ZMAT4: variants seen among roughly 807,000 people sequenced by gnomAD.
ZMAT4 encodes the protein zinc finger matrin-type 4, also known as zinc finger matrin-type protein 4.
A neutral mutation model predicts 28.7 loss-of-function variants in ZMAT4; 17 were observed. That is an observed-to-expected ratio of 0.59 (90% CI 0.41 to 0.89). ZMAT4 has a LOEUF of 0.89. Among genes scored for constraint, ZMAT4 ranks in the 40% least tolerant of loss-of-function variants. The pLI is 0.00. For synonymous variants in ZMAT4, 117 were observed against 109.2 expected (o/e 1.07, Z -0.44); for missense variants, 240 against 283.8 (o/e 0.85, Z 1.11).
At chr8:40,690,916 C>T in intron 4 of ZMAT4, 1 of 985,172 alleles carries the variant, frequency 1.0e-6, no homozygotes, top group Non-Finnish European at 1.2e-6. Context: ...CATTGCTTAT[C>T]CGTTGCTTTT....
chr8:40,789,956 C>T (rs755493852), intron 2 of ZMAT4, among the ~76,000 whole-genome samples: 2 of 152,136 alleles, frequency 1.3e-5, no homozygotes, highest in Non-Finnish European at 2.9e-5. Flanking sequence ...GCCAAATATC[C>T]ACCCCAAACC....
intron 4 of ZMAT4, among the ~76,000 whole-genome samples, chr8:40,693,126 G>A (rs998929876): frequency 1.3e-5 from 2 of 151,996 alleles, no homozygotes; most frequent in Non-Finnish European, 1.5e-5. Context: ...CTTTTTTCTT[G>A]TTTTCCCTAA....
chr8:40,775,904 G>A (rs1428103551), intron 2 of ZMAT4, among the ~76,000 whole-genome samples: 1 of 152,158 alleles, frequency 6.6e-6, no homozygotes, highest in African/African-American at 2.4e-5. Flanking sequence ...AGAGACATCA[G>A]AGATTGTGCT....
At chr8:40,889,812 T>C (rs1490989553) in intron 1 of ZMAT4, among the ~76,000 whole-genome samples, 2 of 152,222 alleles carry the variant, frequency 1.3e-5, no homozygotes, top group Non-Finnish European at 2.9e-5. Context: ...AAAGGAATAT[T>C]CTTAATTAGA....
intron 4 of ZMAT4, among the ~76,000 whole-genome samples, chr8:40,695,768 A>ATTTTTTTT (rs756360990): frequency 5.1e-5 from 3 of 58,468 alleles, no homozygotes; most frequent in African/African-American, 1.4e-4. Flanking sequence ...CCATGTGGCA[A>ATTTTTTTT]TTTTTTTTTT....
chr8:40,756,428 A>ATG (rs1812686457), intron 3 of ZMAT4, among the ~76,000 whole-genome samples: 1 of 50,554 alleles, frequency 2.0e-5, no homozygotes, highest in Non-Finnish European at 4.8e-5. Context: ...ATGTTCTTTT[A>ATG]TATATATATA....
intron 5 of ZMAT4, among the ~76,000 whole-genome samples, chr8:40,643,037 G>A (rs1807116976): frequency 6.6e-6 from 1 of 152,210 alleles, no homozygotes; most frequent in African/African-American, 2.4e-5. Flanking sequence ...GGAATTTGAA[G>A]ATACCATGGA....
In ZMAT4 at chr8:40,639,417, C is replaced by T. The variant is rs148266470; in HGVS notation, c.577+35287G>A. ...AACATCGGGATCTCCAGCTACCTAG[C>T]GCTCCAGCCTAGTGGAGAGTCTTGA... On this transcript the variant is annotated intron_variant, in intron 5 of 6. Transcript: ENST00000297737. Among the ~76,000 whole-genome samples, 58 of 152,134 alleles carry T rather than the reference C, an allele frequency of 3.8e-4. No homozygotes were observed. The East Asian group carries it at 9.3e-3, about 24-fold the overall frequency.
At chr8:40,600,167 T>G (rs1805251187) in intron 5 of ZMAT4, among the ~76,000 whole-genome samples, 1 of 152,240 alleles carries the variant, frequency 6.6e-6, no homozygotes, top group South Asian at 2.1e-4. Context: ...GTATTGGGGC[T>G]ATTTAGTGGA....
chr8:40,675,082 A>C, intron 4 of ZMAT4, 151 bp from the exon 5 acceptor site: 2 of 533,382 alleles, frequency 3.7e-6, no homozygotes, highest in East Asian at 5.8e-5. Flanking sequence ...TAGCCCTGCC[A>C]GCTTTCATTT....
At position 40,531,497 on chromosome 8, in the gene ZMAT4, GT is replaced by G. The variant is rs1802692800; in HGVS notation, c.*725del. 6.6e-6 allele frequency: 1 copy of G among 152,546 alleles called. No individual in the cohort carries two copies. Among genetic ancestry groups the G allele is most frequent in the Non-Finnish European group, 1.5e-5 (1 of 68,020 alleles). The allele number at this position is 152,546 out of a possible 1,614,324, so 9.4% of individuals were successfully genotyped here. A position where few individuals can be genotyped will look rare whatever the true frequency, so the allele number is the denominator to read the frequency against. On this transcript the variant is annotated 3_prime_UTR_variant, in exon 7 of 7. Coordinates refer to ENST00000297737, the MANE Select transcript of ZMAT4 (RefSeq NM_024645.3). ...CACCAAGGTCAAGGGCTGTGAAGACGTTTTTGCCTAAGAAGATCATCATGCA... is the reference window on the plus strand; with the variant it reads ...CACCAAGGTCAAGGGCTGTGAAGACGTTTTGCCTAAGAAGATCATCATGCA...
At chr8:40,815,599 G>T (rs145819000) in intron 2 of ZMAT4, among the ~76,000 whole-genome samples, 1 of 152,176 alleles carries the variant, frequency 6.6e-6, no homozygotes, top group Non-Finnish European at 1.5e-5. Flanking sequence ...CCATCTCCAC[G>T]CAGAAGGTGG....
chr8:40,787,681 C>T (rs1041759410), intron 2 of ZMAT4, among the ~76,000 whole-genome samples: 7 of 152,102 alleles, frequency 4.6e-5, no homozygotes, highest in African/African-American at 1.7e-4. Flanking sequence ...ATGGTGAGGC[C>T]TCATTAGTGG....
chr8:40,582,122 T>C (rs1433751844), intron 5 of ZMAT4, among the ~76,000 whole-genome samples: 3 of 152,212 alleles, frequency 2.0e-5, no homozygotes, highest in African/African-American at 7.2e-5. Flanking sequence ...TTTCTAGTTT[T>C]GTGATCTGGA....
At chr8:40,710,789 C>CT (rs35923770) in intron 3 of ZMAT4, among the ~76,000 whole-genome samples, 2,081 of 149,066 alleles carry the variant, frequency 0.014, 53 homozygotes, top group African/African-American at 0.048. Flanking sequence ...CAAGACTTTT[C>CT]TTTTTTTTTT....
chr8:40,877,246 C>G (rs1818072477), intron 1 of ZMAT4, among the ~76,000 whole-genome samples: 1 of 152,170 alleles, frequency 6.6e-6, no homozygotes, highest in Non-Finnish European at 1.5e-5. Flanking sequence ...CTGCAGGCAC[C>G]TTGACCTTGA....
At chr8:40,676,833 A>C (rs960705684) in intron 4 of ZMAT4, among the ~76,000 whole-genome samples, 6 of 152,138 alleles carry the variant, frequency 3.9e-5, no homozygotes, top group African/African-American at 1.4e-4. Flanking sequence ...GTAGAAATAA[A>C]GCTCAAATGT....
intron 1 of ZMAT4, among the ~76,000 whole-genome samples, chr8:40,880,532 C>T (rs1353468042): frequency 2.0e-5 from 3 of 152,100 alleles, no homozygotes; most frequent in Non-Finnish European, 4.4e-5. Context: ...TTCTAATTAA[C>T]ATTTTTATTA....
intron 3 of ZMAT4, 37 bp from the exon 4 acceptor site, chr8:40,697,438 A>C: frequency 1.4e-6 from 2 of 1,463,300 alleles, no homozygotes; most frequent in Non-Finnish European, 1.8e-6. Flanking sequence ...TGTGAGAGAA[A>C]CCCATTCCAT....
Sources: gnomAD v4.1 joint callset for allele counts (sites outside exome capture counted in the v4.1 genomes callset) on GRCh38, gnomAD v4.1.1 for gene constraint, MANE v1.5 for transcripts, NCBI Gene and HGNC (gene_info 2026-07-23, HGNC 2026-07-21) for gene names.